Variants in RASSF4 observed in about 807,000 individuals in gnomAD.
RASSF4 encodes the protein Ras association domain family member 4, also known as ras association domain-containing protein 4.
A neutral mutation model predicts 41.1 loss-of-function variants in RASSF4; 38 were observed. The ratio of observed to expected loss-of-function variants is 0.92; its 90% CI spans 0.71 to 1.21. The LOEUF is 1.21. Among genes scored for constraint, RASSF4 ranks in the 50% most tolerant of loss-of-function variants. RASSF4 has a pLI of 0.00. For synonymous variants in RASSF4, 179 were observed against 163.4 expected (o/e 1.10, Z -0.73); for missense variants, 414 against 419.4 (o/e 0.99, Z 0.11).
intron 3 of RASSF4, among the ~76,000 whole-genome samples, chr10:44,979,163 T>C (rs1841594387): frequency 1.3e-5 from 2 of 152,152 alleles, no homozygotes; most frequent in South Asian, 4.1e-4. Context: ...GGCCAGGTCC[T>C]TGGCAACTTT....
intron 3 of RASSF4, chr10:44,981,159 T>C (rs1841691861): frequency 6.6e-6 from 1 of 152,136 alleles, no homozygotes; most frequent in African/African-American, 2.4e-5. Context: ...TTCCATGGCG[T>C]CCCTGTTCTC....
chr10:44,985,654 G>T (rs745364893), intron 6 of RASSF4, among the ~76,000 whole-genome samples: 12 of 152,168 alleles, frequency 7.9e-5, no homozygotes, highest in Non-Finnish European at 1.6e-4. Flanking sequence ...ATGACTTATG[G>T]CAGGGAGGGG....
At chr10:44,962,786 G>C (rs1050823661) in intron 1 of RASSF4, among the ~76,000 whole-genome samples, 1 of 152,236 alleles carries the variant, frequency 6.6e-6, no homozygotes, top group Admixed American at 6.5e-5. Context: ...GGTTCAGGGG[G>C]TTCCAGGAGC....
At chr10:44,975,857 G>A (rs1342485975) in intron 3 of RASSF4, among the ~76,000 whole-genome samples, 2 of 151,868 alleles carry the variant, frequency 1.3e-5, no homozygotes, top group African/African-American at 4.8e-5. Context: ...ATGCAGCGAG[G>A]TGGCTTCTGA....
chr10:44,989,782 C>CCCCT (rs1842045276), intron 8 of RASSF4, 61 bp downstream of exon 8: 15 of 1,413,848 alleles, frequency 1.1e-5, no homozygotes, highest in Non-Finnish European at 1.4e-5. Context: ...TTCAGCAAGC[C>CCCCT]CCCTCCCCAC....
chr10:44,963,282 G>A (rs909295140), intron 1 of RASSF4, among the ~76,000 whole-genome samples: 5 of 152,098 alleles, frequency 3.3e-5, no homozygotes, highest in Non-Finnish European at 1.5e-5. Flanking sequence ...GGAAGGAGGT[G>A]GGAGCAGCAG....
At position 44,989,736 on chromosome 10, in the gene RASSF4, C is replaced by G. The variant is rs528072829; in HGVS notation, c.685+15C>G. 6.2e-7 allele frequency: 1 copy of G among 1,613,140 alleles called. No individual in the cohort carries two copies. Among genetic ancestry groups the G allele is most frequent in the African/African-American group, 1.3e-5 (1 of 75,034 alleles). Reference sequence around the variant, plus strand: ...CGAGTCTGGGGGTAAGTACCTGCCCCACTTCTGGATCGTAAAAGCAAAAGG... The same window carrying G: ...CGAGTCTGGGGGTAAGTACCTGCCCGACTTCTGGATCGTAAAAGCAAAAGG... On this transcript the variant is annotated intron_variant, in intron 8 of 10. Coordinates refer to ENST00000340258, the MANE Select transcript of RASSF4 (RefSeq NM_032023.4).
chr10:44,993,392 G>C lies in RASSF4; in HGVS notation c.*63G>C. The C allele has an allele frequency of 7.3e-7, 1 of 1,370,256 alleles. No homozygotes were observed. The highest frequency in any genetic ancestry group is 1.0e-6 in the Non-Finnish European group (1 of 992,130). 84.9% of individuals were successfully genotyped at this position (1,370,256 alleles called of 1,614,324 possible). A position where few individuals can be genotyped will look rare whatever the true frequency, so the allele number is the denominator to read the frequency against. ...GGCAGGTGTACACTGAGCCCTGGTT[G>C]CTGGCCCCGGCCGGTCACATTGACT... On this transcript the variant is annotated 3_prime_UTR_variant, in exon 11 of 11. Transcript: ENST00000340258.
chr10:44,968,625 G>A (rs3814567), intron 1 of RASSF4, among the ~76,000 whole-genome samples: 22 of 152,320 alleles, frequency 1.4e-4, no homozygotes, highest in South Asian at 2.1e-4. Flanking sequence ...GTCAAGCAAG[G>A]GGGGAGAGAG....
intron 6 of RASSF4, among the ~76,000 whole-genome samples, chr10:44,988,067 CTTGAGT>C (rs890702582): frequency 5.9e-5 from 9 of 152,118 alleles, no homozygotes; most frequent in African/African-American, 2.2e-4. Flanking sequence ...CGAATCTAAA[CTTGAGT>C]TTGAAAAGCA....
chr10:44,969,932 C>T (rs375292247), intron 1 of RASSF4, among the ~76,000 whole-genome samples: 73 of 152,306 alleles, frequency 4.8e-4, no homozygotes, highest in African/African-American at 1.6e-3. Flanking sequence ...CTGGGGTGGG[C>T]GGCTGAAAGG....
chr10:44,990,690 A>G (rs369225597), intron 8 of RASSF4: 9 of 326,896 alleles, frequency 2.8e-5, no homozygotes, highest in East Asian at 2.6e-4. Flanking sequence ...GGGGAGGGCA[A>G]AGAGCCTCAC....
At chr10:44,991,491 C>T (rs1842111840) in intron 9 of RASSF4, 1 of 202,216 alleles carries the variant, frequency 4.9e-6, no homozygotes, top group South Asian at 1.5e-4. Flanking sequence ...TTTCCAAACT[C>T]CTCTGCATAG....
chr10:44,973,520 A>G (rs1841268102), intron 3 of RASSF4, among the ~76,000 whole-genome samples: 1 of 152,220 alleles, frequency 6.6e-6, no homozygotes, highest in Non-Finnish European at 1.5e-5. Flanking sequence ...AGGTGGTCCA[A>G]GCACCAGCTG....
rs1447618518 is a variant in RASSF4 at position 44,977,769 on chromosome 10, G to A, written c.139-4752G>A. 16 of 1,600,778 alleles carry A rather than the reference G, an allele frequency of 1.0e-5. No individual in the cohort carries two copies. Among genetic ancestry groups the A allele is most frequent in the Admixed American group, 3.4e-5 (2 of 58,094 alleles). On this transcript the variant is annotated intron_variant, in intron 3 of 10. Transcript: ENST00000340258. Reference sequence around the variant, plus strand: ...AGTGTGGGCTGCTGGCCACTGAAACGTGCGGTGATGTCTCGCAGGGACACA... The same window carrying A: ...AGTGTGGGCTGCTGGCCACTGAAACATGCGGTGATGTCTCGCAGGGACACA...
chr10:44,978,227 G>A lies in RASSF4; in HGVS notation c.139-4294G>A, dbSNP rs182267644. 4.6e-3 allele frequency: 2,668 copies of A among 581,404 alleles called. 13 individuals are homozygous for A. Among genetic ancestry groups the A allele is most frequent in the Non-Finnish European group, 5.8e-3 (1,966 of 341,562 alleles). The allele number at this position is 581,404 out of a possible 1,614,324, so 36.0% of individuals were successfully genotyped here. A position where few individuals can be genotyped will look rare whatever the true frequency, so the allele number is the denominator to read the frequency against. On this transcript the variant is annotated intron_variant, in intron 3 of 10. Coordinates refer to ENST00000340258, the MANE Select transcript of RASSF4 (RefSeq NM_032023.4). Reference sequence around the variant, plus strand: ...TGCTGGGATCTTTTCTTCCTGTTCAGGTTAAAAACCCCAAAGGCTTAAGAT... The same window carrying A: ...TGCTGGGATCTTTTCTTCCTGTTCAAGTTAAAAACCCCAAAGGCTTAAGAT...
chr10:44,983,848 TACTTTTCTTTTATTGTTTCAG>T, intron 4 of RASSF4, 153 bp from the exon 5 acceptor site: 1 of 1,173,784 alleles, frequency 8.5e-7, no homozygotes, highest in Non-Finnish European at 1.2e-6. Flanking sequence ...GGGAGGCCTC[TACTTTTCTTTTATTGTTTCAG>T]ACTGACTCTC....
chr10:44,961,612 A>G (rs1196278854), intron 1 of RASSF4, among the ~76,000 whole-genome samples: 1 of 152,240 alleles, frequency 6.6e-6, no homozygotes, highest in Non-Finnish European at 1.5e-5. Context: ...CCCAGTGTCA[A>G]TAAGAATAGT....
chr10:44,984,120 G>A lies in RASSF4; in HGVS notation c.373+7G>A, dbSNP rs559114497. On this transcript the variant is annotated splice_region_variant and intron_variant, in intron 5 of 10. Coordinates refer to ENST00000340258, the MANE Select transcript of RASSF4 (RefSeq NM_032023.4). ...AGTTCCACAGACAGCTCGGGTAAGCGGAGCCCGCAAGCTGCCCAGACCCCT... is the reference window on the plus strand; with the variant it reads ...AGTTCCACAGACAGCTCGGGTAAGCAGAGCCCGCAAGCTGCCCAGACCCCT... 31 of 1,590,880 alleles carry A rather than the reference G, an allele frequency of 1.9e-5. No individual in the cohort carries two copies. Among genetic ancestry groups the A allele is most frequent in the Middle Eastern group, 1.7e-4 (1 of 5,898 alleles).
Sources: allele counts gnomAD v4.1 joint callset (sites outside exome capture counted in the v4.1 genomes callset), GRCh38; gene constraint gnomAD v4.1.1; transcripts MANE v1.5; gene names NCBI Gene and HGNC (gene_info 2026-07-23, HGNC 2026-07-21).